Variants in JAZF1 observed in about 807,000 individuals in gnomAD.
JAZF1 encodes the protein JAZF zinc finger 1.
JAZF1 carries 8 observed loss-of-function variants against 26.4 expected under a neutral mutation model. The observed-to-expected ratio is 0.30, with a 90% confidence interval of 0.18 to 0.55. The LOEUF (loss-of-function observed/expected upper bound fraction) is 0.55. JAZF1 is among the 20% of genes least tolerant of loss of function. The pLI is 0.94. For synonymous variants in JAZF1, 126 were observed against 122.3 expected (o/e 1.03, Z -0.20); for missense variants, 199 against 322.0 (o/e 0.62, Z 2.92).
intron 1 of JAZF1, among the ~76,000 whole-genome samples, chr7:28,073,245 G>A (rs928290950): frequency 2.0e-5 from 3 of 152,126 alleles, no homozygotes; most frequent in African/African-American, 4.8e-5. Context: ...TCGTTGTGCC[G>A]GAGCGTGGCT....
intron 2 of JAZF1, among the ~76,000 whole-genome samples, chr7:27,954,985 C>T (rs535828680): frequency 8.1e-4 from 124 of 152,194 alleles, no homozygotes; most frequent in Admixed American, 2.5e-3. Flanking sequence ...CTCGTACTCC[C>T]GACCTCAGGC....
intron 3 of JAZF1, among the ~76,000 whole-genome samples, chr7:27,847,433 T>C (rs539659684): frequency 6.6e-6 from 1 of 152,318 alleles, no homozygotes; most frequent in East Asian, 1.9e-4. Flanking sequence ...TCAGATCTTA[T>C]ATCCATTTGG....
intron 1 of JAZF1, among the ~76,000 whole-genome samples, chr7:28,087,136 A>G (rs1030445909): frequency 6.6e-6 from 1 of 152,206 alleles, no homozygotes; most frequent in Non-Finnish European, 1.5e-5. Context: ...TTATATGGAT[A>G]CTCTACACAT....
chr7:27,924,152 C>T (rs1440220602), intron 2 of JAZF1, among the ~76,000 whole-genome samples: 1 of 152,166 alleles, frequency 6.6e-6, no homozygotes, highest in Non-Finnish European at 1.5e-5. Flanking sequence ...CATCTCGGCT[C>T]ACTACAAACT....
At chr7:27,902,550 CAAGTTACCTACCT>C (rs1220419185) in intron 2 of JAZF1, among the ~76,000 whole-genome samples, 1 of 152,144 alleles carries the variant, frequency 6.6e-6, no homozygotes, top group Non-Finnish European at 1.5e-5. Context: ...TGACATTGGG[CAAGTTACCTACCT>C]AGCCTTTCGG....
In JAZF1 at chr7:28,158,604, A is replaced by G. The variant is rs190041559; in HGVS notation, c.115+21859T>C. ...ACAACCGAATAAAGGTAGCACCCAC[A>G]TCAACGCAATGCACAGCTCTGAGAT... On this transcript the variant is annotated intron_variant, in intron 1 of 4. Coordinates refer to ENST00000283928, the MANE Select transcript of JAZF1 (RefSeq NM_175061.4). Among the ~76,000 whole-genome samples, 99 of 152,336 alleles carry G rather than the reference A, an allele frequency of 6.5e-4. 1 individual carries two copies. Among genetic ancestry groups the G allele is most frequent in the Non-Finnish European group, 1.2e-3 (80 of 68,034 alleles).
intron 2 of JAZF1, among the ~76,000 whole-genome samples, chr7:27,968,381 G>C (rs760093847): frequency 6.6e-6 from 1 of 152,136 alleles, no homozygotes; most frequent in Non-Finnish European, 1.5e-5. Context: ...GCTTATATAA[G>C]GTAGAATTCC....
chr7:28,094,764 ATTTT>A (rs1180095506), intron 1 of JAZF1, among the ~76,000 whole-genome samples: 1 of 151,748 alleles, frequency 6.6e-6, no homozygotes, highest in African/African-American at 2.4e-5. Flanking sequence ...AAAAATTATT[ATTTT>A]TTATTTTTTT....
chr7:27,918,945 C>T (rs1784485129), intron 2 of JAZF1, among the ~76,000 whole-genome samples: 1 of 152,192 alleles, frequency 6.6e-6, no homozygotes, highest in Non-Finnish European at 1.5e-5. Flanking sequence ...GTTTCATTAA[C>T]ACCAATAACC....
At chr7:27,871,201 A>G (rs1005851427) in intron 3 of JAZF1, among the ~76,000 whole-genome samples, 2 of 152,236 alleles carry the variant, frequency 1.3e-5, no homozygotes, top group African/African-American at 4.8e-5. Flanking sequence ...TGAGACCAGC[A>G]CTAAATACAA....
At chr7:28,033,452 T>G (rs144493550) in intron 1 of JAZF1, among the ~76,000 whole-genome samples, 337 of 152,216 alleles carry the variant, frequency 2.2e-3, no homozygotes, top group African/African-American at 7.7e-3. Context: ...GAGCTGCACA[T>G]GTAAGCCTGT....
At chr7:27,873,497 G>A (rs1413574121) in intron 3 of JAZF1, among the ~76,000 whole-genome samples, 2 of 152,150 alleles carry the variant, frequency 1.3e-5, no homozygotes, top group Admixed American at 6.5e-5. Context: ...TCCCCTGGCT[G>A]GCTGTCTAGG....
chr7:28,119,562 T>C (rs1784804359), intron 1 of JAZF1, among the ~76,000 whole-genome samples: 1 of 152,186 alleles, frequency 6.6e-6, no homozygotes, highest in Admixed American at 6.5e-5. Context: ...CCCATGACCC[T>C]GTGCCCACTT....
In JAZF1 at chr7:27,985,569, T is replaced by C. The variant is rs191935006; in HGVS notation, c.188+6340A>G. Among the ~76,000 whole-genome samples, 141 of 152,226 alleles carry C rather than the reference T, an allele frequency of 9.3e-4. 2 individuals are homozygous for C. The highest frequency in any genetic ancestry group is 3.1e-3 in the African/African-American group (128 of 41,552). ...TTCCTTCTGAAACTATTCCAATCAA[T>C]AGAAAAAGAGGGAATCCTCCCTAAT... On this transcript the variant is annotated intron_variant, in intron 2 of 4. Transcript: ENST00000283928.
At chr7:28,023,227 G>C (rs2128373271) in intron 1 of JAZF1, among the ~76,000 whole-genome samples, 1 of 152,214 alleles carries the variant, frequency 6.6e-6, no homozygotes. Flanking sequence ...TAGTTCTATA[G>C]AAAATTTTGA....
chr7:27,986,089 C>T (rs1233198362), intron 2 of JAZF1, among the ~76,000 whole-genome samples: 1 of 152,200 alleles, frequency 6.6e-6, no homozygotes. Context: ...TCCTATTCAA[C>T]ATAGTGTTGG....
chr7:28,096,693 A>AT (rs373001842), intron 1 of JAZF1, among the ~76,000 whole-genome samples: 2,663 of 150,784 alleles, frequency 0.018, 29 homozygotes, highest in Non-Finnish European at 0.027. Flanking sequence ...TTCATTTGCA[A>AT]TTTTTTTTTT....
At chr7:28,133,886 C>T (rs561312555) in intron 1 of JAZF1, among the ~76,000 whole-genome samples, 5 of 152,352 alleles carry the variant, frequency 3.3e-5, no homozygotes, top group South Asian at 2.1e-4. Context: ...TGACCCTAAC[C>T]AATGTTGTCC....
intron 1 of JAZF1, among the ~76,000 whole-genome samples, chr7:28,041,608 A>T (rs1783393531): frequency 1.3e-5 from 2 of 152,148 alleles, no homozygotes; most frequent in Admixed American, 6.6e-5. Flanking sequence ...CCTAAGGGCA[A>T]GACCTACATA....
Sources: allele counts gnomAD v4.1 joint callset (sites outside exome capture counted in the v4.1 genomes callset), GRCh38; gene constraint gnomAD v4.1.1; transcripts MANE v1.5; gene names NCBI Gene and HGNC (gene_info 2026-07-23, HGNC 2026-07-21).